The following MEGF11 variants were observed in gnomAD, a reference collection of about 807,000 sequenced individuals.
The protein encoded by MEGF11 is multiple EGF like domains 11, also known as multiple epidermal growth factor-like domains protein 11.
MEGF11 carries 126 observed loss-of-function variants against 146.6 expected under a neutral mutation model. That is an observed-to-expected ratio of 0.86 (90% CI 0.74 to 1.00). MEGF11 has a LOEUF of 1.00. Among genes scored for constraint, MEGF11 ranks in the 50% least tolerant of loss-of-function variants. The probability of loss-of-function intolerance (pLI) is 0.00; values close to 1 mark genes in which losing one functional copy is unlikely to be tolerated. For synonymous variants in MEGF11, 532 were observed against 583.4 expected (o/e 0.91, Z 1.27); for missense variants, 1,509 against 1,521.2 (o/e 0.99, Z 0.13).
chr15:66,238,515 C>T (rs1348301745), intron 1 of MEGF11, among the ~76,000 whole-genome samples: 16 of 152,294 alleles, frequency 1.1e-4, no homozygotes, highest in African/African-American at 3.6e-4. Flanking sequence ...AGGAGCACCG[C>T]CTGGAGGCAG....
chr15:65,916,744 T>A, intron 17 of MEGF11, 84 bp downstream of exon 17: 1 of 1,552,490 alleles, frequency 6.4e-7, no homozygotes. Flanking sequence ...CCTCCCTCCC[T>A]GCTGGTCTGG....
intron 5 of MEGF11, among the ~76,000 whole-genome samples, chr15:66,019,903 T>TA (rs1346618983): frequency 6.6e-6 from 1 of 152,230 alleles, no homozygotes; most frequent in Non-Finnish European, 1.5e-5. Flanking sequence ...TCTGGGCTTG[T>TA]AAGCTATTTC....
chr15:66,144,818 G>A (rs550754499), intron 1 of MEGF11, among the ~76,000 whole-genome samples: 11 of 152,326 alleles, frequency 7.2e-5, no homozygotes, highest in Admixed American at 5.2e-4. Context: ...TATCTGTAGA[G>A]ACAAACCTGT....
Position 65,982,203 on chromosome 15 carries a change from T to G in MEGF11, c.641+39A>C. ...CCAGGCACCCTCCAGGTCCCGCCCC[T>G]CCAGGTCCCGCCCCTCCAGGTCCTG... On this transcript the variant is annotated intron_variant, in intron 6 of 25. Transcript: ENST00000395614. This position sits in a 1 kb window ranked among gnomAD's most constrained non-coding sequence, Gnocchi z 5.6. 1.4e-5 allele frequency: 9 copies of G among 659,716 alleles called. No individual in the cohort carries two copies. Among genetic ancestry groups the G allele is most frequent in the South Asian group, 3.4e-5 (1 of 29,476 alleles). 40.9% of individuals were successfully genotyped at this position (659,716 alleles called of 1,614,324 possible).
intron 1 of MEGF11, among the ~76,000 whole-genome samples, chr15:66,209,340 A>G (rs1282730797): frequency 6.6e-6 from 1 of 151,194 alleles, no homozygotes; most frequent in African/African-American, 2.4e-5. Flanking sequence ...ACGGAGCAAG[A>G]CTCCATCTTA....
chr15:66,068,340 T>C (rs745645334), intron 5 of MEGF11, among the ~76,000 whole-genome samples: 6 of 152,214 alleles, frequency 3.9e-5, no homozygotes, highest in Non-Finnish European at 8.8e-5. Flanking sequence ...ATAACCCTTG[T>C]GTGGGCTGTC....
intron 1 of MEGF11, among the ~76,000 whole-genome samples, chr15:66,204,603 C>T (rs1490580628): frequency 2.0e-5 from 3 of 152,194 alleles, no homozygotes; most frequent in Non-Finnish European, 2.9e-5. Context: ...TCAGGTTATT[C>T]GTACCTGTAA....
intron 5 of MEGF11, among the ~76,000 whole-genome samples, chr15:65,994,686 T>C (rs1434374237): frequency 6.6e-6 from 1 of 152,162 alleles, no homozygotes; most frequent in Non-Finnish European, 1.5e-5. Flanking sequence ...GGATCTGCCC[T>C]CTGGGCTGTT....
intron 9 of MEGF11, among the ~76,000 whole-genome samples, chr15:65,962,473 A>C (rs1165444218): frequency 6.6e-6 from 1 of 152,226 alleles, no homozygotes; most frequent in Non-Finnish European, 1.5e-5. Flanking sequence ...AGCACAGGAC[A>C]GCCCTCTACA....
intron 1 of MEGF11, among the ~76,000 whole-genome samples, chr15:66,220,547 CTTTGT>C: frequency 4.1e-5 from 2 of 48,282 alleles, no homozygotes; most frequent in South Asian, 5.9e-4. Context: ...TTTTTTTTTG[CTTTGT>C]TTTGAGACAG....
At chr15:65,931,677 C>A (rs968160212) in intron 10 of MEGF11, among the ~76,000 whole-genome samples, 19 of 152,188 alleles carry the variant, frequency 1.2e-4, no homozygotes, top group African/African-American at 3.9e-4. Flanking sequence ...CCAAGTCTAA[C>A]CCATTGTCTC....
chr15:66,014,613 C>T (rs9944187), intron 5 of MEGF11, among the ~76,000 whole-genome samples: 2,474 of 152,262 alleles, frequency 0.016, 67 homozygotes, highest in African/African-American at 0.055. Context: ...GGAGAGTGCT[C>T]ATCATTCAAC....
intron 13 of MEGF11, among the ~76,000 whole-genome samples, chr15:65,926,837 G>A (rs1342389618): frequency 6.6e-6 from 1 of 152,202 alleles, no homozygotes; most frequent in South Asian, 2.1e-4. Context: ...AAAAATTAAA[G>A]TTGATTTCCA....
Position 65,912,155 on chromosome 15 carries a change from C to T in MEGF11, c.2756G>A (p.Ser919Asn). Residue 919 changes from serine (S) to asparagine (N), a missense_variant, in exon 21 of 26, where the codon AGC becomes AAC. Physicochemically the swap from Ser to Asn is conservative, Grantham distance 46 (BLOSUM62 1). Transcript: ENST00000395614. ...SSHAHCFSNS[S>N]YHALACGGPA... ...CCCCCCACATGCCAGTGCGTGGTAG[C>T]TGGAATTGGAAAAGCAGTGGGCATG... is the stretch of plus-strand genomic sequence containing the variant. 4.1e-6 allele frequency: 5 copies of T among 1,232,188 alleles called. No individual in the cohort carries two copies. The highest frequency in any genetic ancestry group is 4.0e-6 in the Non-Finnish European group (4 of 988,064). 76.3% of individuals were successfully genotyped at this position (1,232,188 alleles called of 1,614,324 possible).
chr15:66,227,302 C>T (rs925980875), intron 1 of MEGF11, among the ~76,000 whole-genome samples: 12 of 152,076 alleles, frequency 7.9e-5, no homozygotes, highest in South Asian at 4.2e-4. Context: ...AACAGGATAA[C>T]GCGTGGGAAT....
intron 8 of MEGF11, among the ~76,000 whole-genome samples, chr15:65,968,173 AAGG>A (rs1220024806): frequency 6.6e-6 from 1 of 152,096 alleles, no homozygotes; most frequent in African/African-American, 2.4e-5. Flanking sequence ...TAGAAGACAG[AAGG>A]AGGAGAAGTA....
Position 65,991,491 on chromosome 15 carries a change from G to A in MEGF11, c.395-9003C>T, listed in dbSNP as rs142388883. Among the ~76,000 whole-genome samples the A allele has an allele frequency of 4.7e-4, 72 of 152,238 alleles. No individual in the cohort carries two copies. In the East Asian group the frequency reaches 0.012, roughly 26 times the overall value. The stretch of plus-strand genomic sequence containing the variant: ...GGGCCAGAAAATTCTTTGCTATGGG[G>A]AACCATCCTGTGCATTGCAGGGCAT... On this transcript the variant is annotated intron_variant, in intron 5 of 25. Transcript: ENST00000395614.
intron 13 of MEGF11, among the ~76,000 whole-genome samples, chr15:65,927,583 T>A (rs930478230): frequency 2.0e-5 from 3 of 152,182 alleles, no homozygotes; most frequent in Non-Finnish European, 4.4e-5. Context: ...GTGGGTATTG[T>A]AGCAGGGGAA....
At position 65,987,080 on chromosome 15, in the gene MEGF11, G is replaced by C. The variant is rs1173624208; in HGVS notation, c.395-4592C>G. 2.6e-5 allele frequency among the ~76,000 whole-genome samples: 4 copies of C among 152,178 alleles called. No homozygotes were observed. The East Asian group carries it at 7.7e-4, about 29-fold the overall frequency. Reference sequence around the variant, plus strand: ...CCCCTGCTGACTGCTTCAGACTTTGGGGTCCAGGCTTAGTGTGCCCCTGGG... The same window carrying C: ...CCCCTGCTGACTGCTTCAGACTTTGCGGTCCAGGCTTAGTGTGCCCCTGGG... On this transcript the variant is annotated intron_variant, in intron 5 of 25. Transcript: ENST00000395614.
Sources: gnomAD v4.1 joint callset for allele counts (sites outside exome capture counted in the v4.1 genomes callset) on GRCh38, gnomAD v4.1.1 for gene constraint, Gnocchi (gnomAD v3.1) non-coding constraint, MANE v1.5 for transcripts, NCBI Gene and HGNC (gene_info 2026-07-23, HGNC 2026-07-21) for gene names.